Variants in UNC13C observed in about 807,000 individuals in gnomAD.
UNC13C encodes protein unc-13 homolog C.
A neutral mutation model predicts 245.4 loss-of-function variants in UNC13C; 174 were observed. The observed-to-expected ratio is 0.71, with a 90% confidence interval of 0.63 to 0.80. The LOEUF (loss-of-function observed/expected upper bound fraction) is 0.80, where lower values mean the gene tolerates loss of function less well. Ranked by LOEUF, UNC13C falls within the 30% of genes least tolerant of loss-of-function variation. The pLI is 0.00. For synonymous variants in UNC13C, 992 were observed against 895.1 expected, an observed-to-expected ratio of 1.11 and a Z score of -1.93; for missense variants, 2,829 against 2,602.9, an observed-to-expected ratio of 1.09 and a Z score of -1.89.
rs145814787 is a variant in UNC13C at position 54,547,396 on chromosome 15, G to C, written c.5820+551G>C. Among the ~76,000 whole-genome samples the C allele has an allele frequency of 5.7e-3, 870 of 152,228 alleles. 4 individuals carry two copies. The highest frequency in any genetic ancestry group is 0.02 in the African/African-American group (822 of 41,552). On this transcript the variant is annotated intron_variant, in intron 27 of 32. Coordinates refer to ENST00000260323, the MANE Select transcript of UNC13C (RefSeq NM_001080534.3). ...TCAATTGGCTGCAAAATTAGACACT[G>C]GTCAAGTGGATACACAGAGCCAGGT...
At chr15:54,473,324 A>G (rs192961963) in intron 19 of UNC13C, among the ~76,000 whole-genome samples, 1 of 152,054 alleles carries the variant, frequency 6.6e-6, no homozygotes, top group East Asian at 1.9e-4. Flanking sequence ...TAGGATATCC[A>G]TCGCCTTAAA....
intron 2 of UNC13C, among the ~76,000 whole-genome samples, chr15:54,063,740 G>A (rs1897949488): frequency 6.6e-6 from 1 of 152,180 alleles, no homozygotes. Flanking sequence ...TGAAAGCAAT[G>A]CTATGCTTCC....
chr15:54,407,572 T>C (rs1019454630), intron 18 of UNC13C, among the ~76,000 whole-genome samples: 2 of 152,192 alleles, frequency 1.3e-5, no homozygotes, highest in Non-Finnish European at 2.9e-5. Context: ...GCATTCTTTT[T>C]ATTTTCTATC....
At chr15:53,863,107 A>G in the UNC13C span, among the ~76,000 whole-genome samples, 2 of 152,202 alleles carry the variant, frequency 1.3e-5, no homozygotes, top group African/African-American at 4.8e-5. Context: ...TGTGCTTTCA[A>G]AATACAATGG....
intron 18 of UNC13C, 136 bp downstream of exon 18, chr15:54,393,317 T>C (rs2040002158): frequency 1.3e-6 from 1 of 787,028 alleles, no homozygotes; most frequent in African/African-American, 1.8e-5. Context: ...ATTTTTCAAC[T>C]TTTATCAGTA....
intron 8 of UNC13C, among the ~76,000 whole-genome samples, chr15:54,255,534 T>C (rs533787125): frequency 3.3e-5 from 5 of 152,334 alleles, no homozygotes; most frequent in African/African-American, 9.6e-5. Context: ...TGTCTTTTTC[T>C]ACCAATGTGT....
intron 2 of UNC13C, chr15:54,050,700 T>C (rs1330263622): frequency 5.4e-6 from 3 of 551,188 alleles, no homozygotes; most frequent in Non-Finnish European, 1.1e-5. Context: ...TGAAGATCTA[T>C]AGGGTAAATA....
At chr15:54,494,572 C>A in intron 19 of UNC13C, 36 bp from the exon 20 acceptor site, 1 of 1,502,394 alleles carries the variant, frequency 6.7e-7, no homozygotes, top group South Asian at 1.4e-5. Flanking sequence ...GTTGGCAAAC[C>A]AAGCTTTATT....
intron 1 of UNC13C, among the ~76,000 whole-genome samples, chr15:53,983,943 T>TTAA (rs1894024586): frequency 6.6e-6 from 1 of 152,150 alleles, no homozygotes; most frequent in Non-Finnish European, 1.5e-5. Context: ...ACACTTGGTC[T>TTAA]CCAGCCATGT....
chr15:54,549,107 AT>A (rs1219642669), intron 27 of UNC13C, among the ~76,000 whole-genome samples: 5 of 152,184 alleles, frequency 3.3e-5, no homozygotes, highest in African/African-American at 1.2e-4. Flanking sequence ...CTAGTAAAGC[AT>A]TGGATAGTTT....
chr15:53,925,476 A>T, the UNC13C span, among the ~76,000 whole-genome samples: 1 of 152,148 alleles, frequency 6.6e-6, no homozygotes, highest in African/African-American at 2.4e-5. Context: ...ATTTGGAAGG[A>T]CTTCTGAGGT....
At chr15:54,619,465 T>C (rs1045324697) in intron 30 of UNC13C, among the ~76,000 whole-genome samples, 2 of 152,178 alleles carry the variant, frequency 1.3e-5, no homozygotes, top group Admixed American at 1.3e-4. Flanking sequence ...CACATGGGTT[T>C]GTAACTGCGA....
chr15:53,907,198 A>T, the UNC13C span, among the ~76,000 whole-genome samples: 8 of 152,134 alleles, frequency 5.3e-5, no homozygotes, highest in Admixed American at 4.6e-4. Context: ...GAACTACCAA[A>T]CATCCTTATG....
intron 18 of UNC13C, among the ~76,000 whole-genome samples, chr15:54,402,740 C>G (rs1204869844): frequency 6.6e-6 from 1 of 152,002 alleles, no homozygotes; most frequent in Non-Finnish European, 1.5e-5. Flanking sequence ...AATGACTTAT[C>G]TAGTAATAGG....
chr15:54,341,370 C>G (rs531306360), intron 17 of UNC13C, among the ~76,000 whole-genome samples: 2 of 152,234 alleles, frequency 1.3e-5, no homozygotes, highest in Admixed American at 1.3e-4. Context: ...AAACTAAATA[C>G]TGCATATTCT....
chr15:54,167,202 C>T (rs889297452), intron 4 of UNC13C, among the ~76,000 whole-genome samples: 3 of 151,758 alleles, frequency 2.0e-5, no homozygotes, highest in African/African-American at 7.3e-5. Flanking sequence ...ATAAAGCAAC[C>T]CAATAGGAAA....
At chr15:54,531,476 T>C (rs897685937) in intron 25 of UNC13C, among the ~76,000 whole-genome samples, 1 of 152,172 alleles carries the variant, frequency 6.6e-6, no homozygotes, top group South Asian at 2.1e-4. Flanking sequence ...AATTCAAATT[T>C]AACTCAGTGT....
chr15:54,342,119 T>C lies in UNC13C; in HGVS notation c.4713+3630T>C, dbSNP rs537626916. 9.2e-5 allele frequency among the ~76,000 whole-genome samples: 14 copies of C among 152,312 alleles called. No individual in the cohort carries two copies. The South Asian group carries it at 2.9e-3, about 32-fold the overall frequency. Reference sequence around the variant, plus strand: ...ATGATCAATGAACGCTTGAGTTTTATGTTCTGTGAATTGCCTGTCAATCTT... The same window carrying C: ...ATGATCAATGAACGCTTGAGTTTTACGTTCTGTGAATTGCCTGTCAATCTT... On this transcript the variant is annotated intron_variant, in intron 17 of 32. Transcript: ENST00000260323.
At chr15:54,003,019 T>G (rs1161310921) in intron 1 of UNC13C, among the ~76,000 whole-genome samples, 1 of 152,144 alleles carries the variant, frequency 6.6e-6, no homozygotes, top group Non-Finnish European at 1.5e-5. Flanking sequence ...CTGTGTACAA[T>G]TTGAGGATCA....
Sources: gnomAD v4.1 joint callset for allele counts (sites outside exome capture counted in the v4.1 genomes callset) on GRCh38, gnomAD v4.1.1 for gene constraint, MANE v1.5 for transcripts, NCBI Gene and HGNC (gene_info 2026-07-23, HGNC 2026-07-21) for gene names.